The following EEF2K variants were observed in gnomAD, a reference collection of about 807,000 sequenced individuals.
The protein encoded by EEF2K is eukaryotic elongation factor 2 kinase, also known as alternative protein EEF2K.
A neutral mutation model predicts 93.8 loss-of-function variants in EEF2K; 70 were observed. The ratio of observed to expected loss-of-function variants is 0.75; its 90% CI spans 0.62 to 0.91. The LOEUF (loss-of-function observed/expected upper bound fraction) is 0.91. EEF2K is among the 40% of genes least tolerant of loss of function. The pLI, the probability that EEF2K is intolerant of heterozygous loss-of-function variation, is 0.00. For missense variants in EEF2K, 935 were observed against 972.9 expected, an observed-to-expected ratio of 0.96 and a Z score of 0.52; for synonymous variants, 376 against 380.8, an observed-to-expected ratio of 0.99 and a Z score of 0.15.
At chr16:22,265,055 A>G (rs942892656) in intron 13 of EEF2K, 175 bp downstream of exon 13, 55 of 657,924 alleles carry the variant, frequency 8.4e-5, no homozygotes, top group Non-Finnish European at 1.3e-4. Flanking sequence ...TCTGCAGGGC[A>G]GGATGCTGGG....
chr16:22,258,651 C>G lies in EEF2K; in HGVS notation c.1187C>G (p.Ser396Cys). Residue 396 changes from serine to cysteine, a missense_variant, in exon 10 of 18, where the codon TCC becomes TGC. Coordinates refer to ENST00000263026, the MANE Select transcript of EEF2K (RefSeq NM_013302.5). ...GTGACCTTCGACTCTCTCCCTTCTTCCCCATCTTCGGCCACACCACACAGC... is the reference window on the plus strand; with the variant it reads ...GTGACCTTCGACTCTCTCCCTTCTTGCCCATCTTCGGCCACACCACACAGC... The part of the protein sequence containing the change: ...SDVTFDSLPS[S>C]PSSATPHSQK... 1.2e-6 allele frequency: 2 copies of G among 1,614,182 alleles called. No homozygotes were observed. The highest frequency in any genetic ancestry group is 8.5e-7 in the Non-Finnish European group (1 of 1,180,032).
chr16:22,244,988 G>A (rs2047272603), intron 3 of EEF2K, among the ~76,000 whole-genome samples: 1 of 152,124 alleles, frequency 6.6e-6, no homozygotes, highest in African/African-American at 2.4e-5. Context: ...CTGGCCGGGT[G>A]AGGTGGCTCT....
intron 1 of EEF2K, among the ~76,000 whole-genome samples, chr16:22,212,047 CAG>C (rs1479840564): frequency 1.3e-5 from 2 of 152,008 alleles, no homozygotes; most frequent in African/African-American, 4.8e-5. Context: ...CGTGGACATG[CAG>C]AGAGTGCCCA....
intron 16 of EEF2K, among the ~76,000 whole-genome samples, chr16:22,276,933 G>A (rs2047643166): frequency 6.6e-6 from 1 of 152,116 alleles, no homozygotes; most frequent in Admixed American, 6.5e-5. Flanking sequence ...GCAGATGCTT[G>A]TAATCCCAGC....
At position 22,283,993 on chromosome 16, in the gene EEF2K, G is replaced by A. The variant is rs933415449; in HGVS notation, c.2175G>A (p.Glu725=). The A allele has an allele frequency of 6.4e-7, 1 of 1,572,600 alleles. No homozygotes were observed. The highest frequency in any genetic ancestry group is 8.6e-7 in the Non-Finnish European group (1 of 1,158,424). ...KAEEAWAQME[E] is the part of the protein sequence containing the mutation. ...AAGAGGCCTGGGCCCAGATGGAGGA[G>A]TAACCAGGAAAATCACTGCCGGCTA... Residue 725 remains glutamate (E), a synonymous_variant, in exon 18 of 18, where the codon GAG becomes GAA. Transcript: ENST00000263026.
chr16:22,237,406 G>A (rs2141660247), intron 2 of EEF2K, among the ~76,000 whole-genome samples: 1 of 152,040 alleles, frequency 6.6e-6, no homozygotes, highest in East Asian at 2.0e-4. Context: ...GGGAGGCCAA[G>A]ACAGGTGGAT....
In EEF2K at chr16:22,283,938, G is replaced by T. The variant is rs1039564627; in HGVS notation, c.2120G>T (p.Arg707Leu). 6.2e-7 allele frequency: 1 copy of T among 1,600,160 alleles called. No individual in the cohort carries two copies. The highest frequency in any genetic ancestry group is 1.1e-5 in the South Asian group (1 of 88,278). The change falls in exon 18 of 18, where the codon CGA becomes CTA. Residue 707 changes from arginine to leucine, a missense_variant. Arg to Leu is a moderately radical substitution (Grantham distance 102). Transcript: ENST00000263026. ...AEAAMEAMKG[R>L]LANQYYQKAE... Reference sequence around the variant, plus strand: ...GCAGCGATGGAAGCCATGAAGGGCCGACTGGCCAACCAGTACTACCAAAAG... The same window carrying T: ...GCAGCGATGGAAGCCATGAAGGGCCTACTGGCCAACCAGTACTACCAAAAG...
At chr16:22,247,493 A>G (rs1180326520) in intron 3 of EEF2K, among the ~76,000 whole-genome samples, 1 of 151,994 alleles carries the variant, frequency 6.6e-6, no homozygotes, top group Non-Finnish European at 1.5e-5. Flanking sequence ...TCTGTGCAAT[A>G]GCTGGCCATA....
intron 4 of EEF2K, among the ~76,000 whole-genome samples, chr16:22,249,572 C>A (rs1054241723): frequency 1.3e-5 from 2 of 151,958 alleles, no homozygotes; most frequent in Non-Finnish European, 2.9e-5. Context: ...ATTACTTTTG[C>A]CTATTTTTTT....
chr16:22,283,568 A>C (rs997538225), intron 17 of EEF2K, among the ~76,000 whole-genome samples: 11 of 152,110 alleles, frequency 7.2e-5, no homozygotes, highest in African/African-American at 2.7e-4. Context: ...CCTGATTCTC[A>C]TTGGCTCAAA....
In EEF2K at chr16:22,280,243, G is replaced by A; in HGVS notation, c.1935G>A (p.Leu645=). 6.2e-7 allele frequency: 1 copy of A among 1,600,932 alleles called. No homozygotes were observed. The highest frequency in any genetic ancestry group is 1.1e-5 in the South Asian group (1 of 88,890). The change falls in exon 17 of 18, where the codon CTG becomes CTA. Residue 645 remains leucine, a synonymous_variant. Transcript: ENST00000263026. ...CCCTGCACTGGTACAACACTGCCCT[G>A]GAGATGACGGACTGTGATGAGGGCG... ...LEALHWYNTA[L]EMTDCDEGGE... is the part of the protein sequence containing the mutation.
At chr16:22,260,832 G>GA (rs965502631) in intron 11 of EEF2K, among the ~76,000 whole-genome samples, 1 of 152,172 alleles carries the variant, frequency 6.6e-6, no homozygotes, top group Non-Finnish European at 1.5e-5. Flanking sequence ...GGTTTGGTTT[G>GA]ACCCCACATG....
intron 1 of EEF2K, among the ~76,000 whole-genome samples, chr16:22,215,675 A>T (rs966039840): frequency 4.8e-4 from 73 of 152,198 alleles, no homozygotes; most frequent in African/African-American, 1.7e-3. Flanking sequence ...CTATAATCCC[A>T]TCTCTTTGGG....
At chr16:22,248,006 C>T (rs1287849669) in intron 3 of EEF2K, among the ~76,000 whole-genome samples, 2 of 152,008 alleles carry the variant, frequency 1.3e-5, no homozygotes, top group African/African-American at 2.4e-5. Flanking sequence ...TTTATTCAGT[C>T]ATTCATCCAC....
Position 22,285,165 on chromosome 16 carries a change from C to A in EEF2K, c.*1169C>A, listed in dbSNP as rs2290829. 37,898 of 152,408 alleles carry A rather than the reference C, an allele frequency of 0.25. 8,266 individuals carry two copies. The highest frequency in any genetic ancestry group is 0.59 in the African/African-American group (24,554 of 41,414). 9.4% of individuals were successfully genotyped at this position (152,408 alleles called of 1,614,324 possible). A position where few individuals can be genotyped will look rare whatever the true frequency, so the allele number is the denominator to read the frequency against. On this transcript the variant is annotated 3_prime_UTR_variant, in exon 18 of 18. Transcript: ENST00000263026. ...GTGAGAGCCTTTTCTCCAAGCAGAC[C>A]CACACTCTGCATCTCAGTGGCAGCT... is the stretch of plus-strand genomic sequence containing the variant.
chr16:22,249,133 C>T (rs888634266), intron 4 of EEF2K, among the ~76,000 whole-genome samples: 1 of 151,800 alleles, frequency 6.6e-6, no homozygotes, highest in Non-Finnish European at 1.5e-5. Flanking sequence ...CCACTCCTGG[C>T]TAATTTTTTT....
At chr16:22,227,832 C>T (rs1435944785) in intron 2 of EEF2K, among the ~76,000 whole-genome samples, 1 of 151,678 alleles carries the variant, frequency 6.6e-6, no homozygotes, top group Non-Finnish European at 1.5e-5. Flanking sequence ...CACAGTGGCT[C>T]AAGCCTGTAA....
intron 2 of EEF2K, among the ~76,000 whole-genome samples, chr16:22,229,712 AGG>A (rs900461915): frequency 2.6e-4 from 39 of 152,092 alleles, no homozygotes; most frequent in African/African-American, 8.9e-4. Context: ...AAAAAAGAAG[AGG>A]GGGAAAGGCG....
chr16:22,253,704 A>G (rs931094771), intron 6 of EEF2K, among the ~76,000 whole-genome samples: 4 of 150,138 alleles, frequency 2.7e-5, no homozygotes, highest in African/African-American at 9.8e-5. Flanking sequence ...TTAGTATGTC[A>G]TTCATTTAGT....
Sources: gnomAD v4.1 joint callset for allele counts (sites outside exome capture counted in the v4.1 genomes callset) on GRCh38, gnomAD v4.1.1 for gene constraint, MANE v1.5 for transcripts, NCBI Gene and HGNC (gene_info 2026-07-23, HGNC 2026-07-21) for gene names.